Variants in SLC1A3 observed in about 807,000 individuals in gnomAD.
SLC1A3 encodes excitatory amino acid transporter 1.
In SLC1A3, 21 loss-of-function variants were observed where a neutral mutation model predicts 48.1. The ratio of observed to expected loss-of-function variants is 0.44; its 90% CI spans 0.31 to 0.63. The LOEUF (loss-of-function observed/expected upper bound fraction) is 0.63, where lower values mean the gene tolerates loss of function less well. Among genes scored for constraint, SLC1A3 ranks in the 20% least tolerant of loss-of-function variants. The pLI is 0.08. For missense variants in SLC1A3, 546 were observed against 689.0 expected, an observed-to-expected ratio of 0.79 and a Z score of 2.32; for synonymous variants, 239 against 251.4, an observed-to-expected ratio of 0.95 and a Z score of 0.47.
intron 6 of SLC1A3, among the ~76,000 whole-genome samples, chr5:36,677,728 G>A (rs951085899): frequency 6.6e-5 from 10 of 152,184 alleles, no homozygotes; most frequent in African/African-American, 2.2e-4. Flanking sequence ...AGGAGGTGAC[G>A]TACTTTGTTA....
At chr5:36,658,041 G>A (rs557382044) in intron 3 of SLC1A3, among the ~76,000 whole-genome samples, 3 of 152,290 alleles carry the variant, frequency 2.0e-5, no homozygotes, top group African/African-American at 7.2e-5. Flanking sequence ...ACCAGGGCAG[G>A]CAATAAAGAC....
intron 2 of SLC1A3, among the ~76,000 whole-genome samples, chr5:36,624,280 AG>A (rs1355516653): frequency 6.6e-6 from 1 of 152,230 alleles, no homozygotes; most frequent in Non-Finnish European, 1.5e-5. Context: ...TAGATGAAAA[AG>A]TAGGCAAAAT....
In SLC1A3 at chr5:36,608,438, T is replaced by G. The variant is rs143791614; in HGVS notation, c.15T>G (p.Asn5Lys). 6.2e-7 allele frequency: 1 copy of G among 1,613,784 alleles called. No individual in the cohort carries two copies. The highest frequency in any genetic ancestry group is 8.5e-7 in the Non-Finnish European group (1 of 1,179,882). Residue 5 changes from asparagine (N) to lysine (K), a missense_variant, in exon 2 of 10, where the codon AAT becomes AAG. Physicochemically the swap from Asn to Lys is moderately conservative, Grantham distance 94 (BLOSUM62 0). Coordinates refer to ENST00000265113, the MANE Select transcript of SLC1A3 (RefSeq NM_004172.5). ...AAAAGTAAAATATGACTAAAAGCAA[T>G]GGAGAAGAGCCCAAGATGGGGGGCA... The part of the protein sequence containing the change: MTKS[N>K]GEEPKMGGRM...
chr5:36,623,371 T>C (rs1381005988), intron 2 of SLC1A3, among the ~76,000 whole-genome samples: 1 of 152,210 alleles, frequency 6.6e-6, no homozygotes, highest in Non-Finnish European at 1.5e-5. Context: ...CAAATTCTGC[T>C]AGGAAGTTAT....
chr5:36,626,605 G>A (rs544562219), intron 2 of SLC1A3, among the ~76,000 whole-genome samples: 25 of 152,134 alleles, frequency 1.6e-4, no homozygotes, highest in Non-Finnish European at 3.4e-4. Context: ...AATGTCAAGT[G>A]TTTAAATCCA....
At chr5:36,647,457 A>G (rs766991441) in intron 3 of SLC1A3, among the ~76,000 whole-genome samples, 13 of 152,378 alleles carry the variant, frequency 8.5e-5, no homozygotes, top group Non-Finnish European at 1.3e-4. Flanking sequence ...ATCAAGAAAC[A>G]TTCAAATTCA....
chr5:36,653,874 C>T (rs748639559), intron 3 of SLC1A3, among the ~76,000 whole-genome samples: 1 of 152,204 alleles, frequency 6.6e-6, no homozygotes, highest in South Asian at 2.1e-4. Context: ...GAGAGAGCCT[C>T]GCTCTGTCGC....
At chr5:36,608,220 T>C (rs1739038649) in intron 1 of SLC1A3, 109 bp from the exon 2 acceptor site, 2 of 570,896 alleles carry the variant, frequency 3.5e-6, no homozygotes, top group East Asian at 5.7e-5. Flanking sequence ...CTCCAGTCCT[T>C]GATTCCTGCT....
At chr5:36,683,720 A>T in intron 8 of SLC1A3, 144 bp from the exon 9 acceptor site, 2 of 820,976 alleles carry the variant, frequency 2.4e-6, no homozygotes, top group Non-Finnish European at 3.9e-6. Flanking sequence ...AAAAAAAAAA[A>T]ATCTCATTTA....
chr5:36,610,744 C>T (rs1469905811), intron 2 of SLC1A3, among the ~76,000 whole-genome samples: 3 of 152,186 alleles, frequency 2.0e-5, no homozygotes, highest in African/African-American at 7.2e-5. Flanking sequence ...GATCATTCCT[C>T]ACCCAGTGAG....
intron 9 of SLC1A3, 26 bp from the exon 10 acceptor site, chr5:36,686,039 T>C (rs1189404973): frequency 1.2e-6 from 2 of 1,605,456 alleles, no homozygotes; most frequent in Non-Finnish European, 1.7e-6. Context: ...AGCCTCGTTT[T>C]TCCCTCCTCC....
upstream of SLC1A3, among the ~76,000 whole-genome samples, chr5:36,603,150 A>C (rs927344669): frequency 1.3e-5 from 2 of 152,166 alleles, no homozygotes; most frequent in African/African-American, 4.8e-5. Flanking sequence ...TTCAAGTTGT[A>C]AATTCGGCCC....
chr5:36,654,674 C>T (rs931115675), intron 3 of SLC1A3, among the ~76,000 whole-genome samples: 1 of 152,202 alleles, frequency 6.6e-6, no homozygotes, highest in African/African-American at 2.4e-5. Context: ...TTCATGCTAC[C>T]TTCCCTTCCT....
chr5:36,686,775 G>T lies in SLC1A3; in HGVS notation c.*506G>T. 1 of 219,846 alleles carries T rather than the reference G, an allele frequency of 4.5e-6. No homozygotes were observed. Among genetic ancestry groups the T allele is most frequent in the Non-Finnish European group, 9.1e-6 (1 of 109,436 alleles). 13.6% of individuals were successfully genotyped at this position (219,846 alleles called of 1,614,324 possible). On this transcript the variant is annotated 3_prime_UTR_variant, in exon 10 of 10. Coordinates refer to ENST00000265113, the MANE Select transcript of SLC1A3 (RefSeq NM_004172.5). ...GGTATACCTATTTCATTAGTAGCTA[G>T]GTGCACATATACATCTAGCACAGCT...
At chr5:36,666,330 T>C (rs868435906) in intron 3 of SLC1A3, 1 of 152,196 alleles carries the variant, frequency 6.6e-6, no homozygotes, top group African/African-American at 2.4e-5. Context: ...TCTAGGAGGG[T>C]TGAGAACAGG....
At chr5:36,609,132 T>C (rs1438699020) in intron 2 of SLC1A3, 1 of 986,088 alleles carries the variant, frequency 1.0e-6, no homozygotes, top group Non-Finnish European at 1.2e-6. Flanking sequence ...GAAAGGTAGA[T>C]TGGGGAAAAT....
At chr5:36,637,292 C>A (rs908456251) in intron 3 of SLC1A3, among the ~76,000 whole-genome samples, 3 of 152,302 alleles carry the variant, frequency 2.0e-5, no homozygotes, top group African/African-American at 7.2e-5. Context: ...AGCTTGTGGT[C>A]AACTAAATCC....
chr5:36,651,916 G>A (rs1444634796), intron 3 of SLC1A3, among the ~76,000 whole-genome samples: 1 of 152,156 alleles, frequency 6.6e-6, no homozygotes, highest in African/African-American at 2.4e-5. Flanking sequence ...AGGGCCGAGG[G>A]TCAAAGTTCC....
At chr5:36,608,097 G>T in intron 1 of SLC1A3, 1 of 271,112 alleles carries the variant, frequency 3.7e-6, no homozygotes, top group South Asian at 5.4e-5. Context: ...CATTGGAAGG[G>T]GAAGGACGGA....
Sources: gnomAD v4.1 joint callset for allele counts (sites outside exome capture counted in the v4.1 genomes callset) on GRCh38, gnomAD v4.1.1 for gene constraint, MANE v1.5 for transcripts, NCBI Gene and HGNC (gene_info 2026-07-23, HGNC 2026-07-21) for gene names.